FHOD3: variants seen among roughly 807,000 people sequenced by gnomAD.
FHOD3 encodes the protein FH1/FH2 domain-containing protein 3.
FHOD3 carries 90 observed loss-of-function variants against 173.0 expected under a neutral mutation model. The observed-to-expected ratio is 0.52, with a 90% confidence interval of 0.44 to 0.62. The LOEUF (loss-of-function observed/expected upper bound fraction) is 0.62, where lower values mean the gene tolerates loss of function less well. Ranked by LOEUF, FHOD3 falls within the 20% of genes least tolerant of loss-of-function variation. FHOD3 has a pLI of 0.00. For missense variants in FHOD3, 1,945 were observed against 2,034.7 expected, an observed-to-expected ratio of 0.96 and a Z score of 0.85; for synonymous variants, 828 against 823.0, an observed-to-expected ratio of 1.01 and a Z score of -0.10.
intron 3 of FHOD3, among the ~76,000 whole-genome samples, chr18:36,455,602 T>C (rs962395800): frequency 4.7e-4 from 69 of 148,278 alleles, no homozygotes; most frequent in African/African-American, 1.6e-3. Flanking sequence ...TGTCTAGGGA[T>C]CACAGGTAAA....
At chr18:36,375,413 C>T (rs1359977262) in intron 3 of FHOD3, among the ~76,000 whole-genome samples, 3 of 152,198 alleles carry the variant, frequency 2.0e-5, no homozygotes, top group East Asian at 1.9e-4. Context: ...ACGTTCCTTC[C>T]ACCCACGATT....
intron 9 of FHOD3, among the ~76,000 whole-genome samples, chr18:36,613,041 G>A (rs2032851301): frequency 6.6e-6 from 1 of 152,210 alleles, no homozygotes; most frequent in Non-Finnish European, 1.5e-5. Context: ...GAAAGGATAT[G>A]AGAGGCTCCA....
intron 14 of FHOD3, among the ~76,000 whole-genome samples, chr18:36,658,438 A>T (rs2036566639): frequency 6.6e-6 from 1 of 152,190 alleles, no homozygotes; most frequent in Admixed American, 6.5e-5. Flanking sequence ...AAGTATAAAA[A>T]TGTCTTCTAA....
intron 6 of FHOD3, among the ~76,000 whole-genome samples, chr18:36,581,880 G>T (rs1599744323): frequency 6.6e-6 from 1 of 152,278 alleles, no homozygotes; most frequent in East Asian, 1.9e-4. Context: ...AATTGACAGG[G>T]ATGGGAAAGC....
intron 14 of FHOD3, among the ~76,000 whole-genome samples, chr18:36,660,512 A>G (rs2036717786): frequency 1.3e-5 from 2 of 152,206 alleles, no homozygotes; most frequent in South Asian, 4.1e-4. Context: ...CCAACATGGC[A>G]CTGGCTGTGG....
intron 5 of FHOD3, among the ~76,000 whole-genome samples, chr18:36,570,194 G>C (rs1599697619): frequency 6.6e-6 from 1 of 152,058 alleles, no homozygotes; most frequent in East Asian, 1.9e-4. Context: ...CTAACATTAA[G>C]AATGAAAGGG....
intron 5 of FHOD3, among the ~76,000 whole-genome samples, chr18:36,560,214 G>T (rs1453822530): frequency 1.3e-5 from 2 of 152,140 alleles, no homozygotes; most frequent in Non-Finnish European, 2.9e-5. Context: ...TCTGTCTGAG[G>T]GTAGTTAGTC....
intron 17 of FHOD3, among the ~76,000 whole-genome samples, chr18:36,702,161 C>A (rs1310461333): frequency 6.6e-6 from 1 of 152,140 alleles, no homozygotes; most frequent in Non-Finnish European, 1.5e-5. Context: ...TCCTGGGGGA[C>A]ATTTGGCAGT....
At chr18:36,352,799 CAA>C (rs1000545510) in intron 1 of FHOD3, among the ~76,000 whole-genome samples, 1 of 152,190 alleles carries the variant, frequency 6.6e-6, no homozygotes, top group Non-Finnish European at 1.5e-5. Context: ...TAAAAATAGG[CAA>C]AGTGTTGATA....
At chr18:36,315,700 T>A (rs750923671) in intron 1 of FHOD3, among the ~76,000 whole-genome samples, 13 of 152,168 alleles carry the variant, frequency 8.5e-5, no homozygotes, top group Admixed American at 3.3e-4. Context: ...ATGCCCACCA[T>A]GTGAATTCCT....
At chr18:36,666,136 T>A (rs955055999) in intron 14 of FHOD3, among the ~76,000 whole-genome samples, 2 of 152,182 alleles carry the variant, frequency 1.3e-5, no homozygotes, top group Non-Finnish European at 2.9e-5. Context: ...GTGGGACCAG[T>A]CTCCACAGCA....
intron 7 of FHOD3, among the ~76,000 whole-genome samples, chr18:36,599,894 G>A (rs917867289): frequency 1.4e-5 from 2 of 147,854 alleles, no homozygotes; most frequent in Non-Finnish European, 3.0e-5. Flanking sequence ...GCACATATTT[G>A]AGTATCAATT....
chr18:36,767,424 A>T (rs902932749), intron 27 of FHOD3, among the ~76,000 whole-genome samples: 1 of 152,060 alleles, frequency 6.6e-6, no homozygotes, highest in African/African-American at 2.4e-5. Flanking sequence ...GGTTCAAGAG[A>T]TTCTCCTGCC....
At chr18:36,639,791 A>G (rs938834426) in intron 10 of FHOD3, among the ~76,000 whole-genome samples, 1 of 151,250 alleles carries the variant, frequency 6.6e-6, no homozygotes, top group Non-Finnish European at 1.5e-5. Context: ...CCAGCAACGA[A>G]TATCTGTGGC....
rs138484144 is a variant in FHOD3, at chr18:36,747,060, G to A, written c.4157G>A (p.Arg1386Gln). Residue 1386 changes from arginine (R) to glutamine (Q), a missense_variant, in exon 24 of 29, where the codon CGG (arginine) becomes CAG (glutamine). Physicochemically the swap from Arg to Gln is conservative, Grantham distance 43 (BLOSUM62 1). This residue lies in a region of FHOD3 where 354 missense variants were observed against 359.9 expected (regional missense o/e 0.98). Transcript: ENST00000590592. ...GAAATGAAACCAGTTTTAAAACAAC[G>A]GATGTCAGAGTTCCTGAAAGACTGT... ...KHEMKPVLKQ[R>Q]MSEFLKDCAE... 1.7e-5 allele frequency: 27 copies of A among 1,613,924 alleles called. No individual in the cohort carries two copies. Among genetic ancestry groups the A allele is most frequent in the Middle Eastern group, 1.6e-4 (1 of 6,084 alleles).
At chr18:36,443,398 G>A (rs904733426) in intron 3 of FHOD3, among the ~76,000 whole-genome samples, 2 of 152,056 alleles carry the variant, frequency 1.3e-5, no homozygotes, top group African/African-American at 4.8e-5. Flanking sequence ...TTTATTCTAT[G>A]GATTATAACC....
chr18:36,328,404 G>A (rs1415714151), intron 1 of FHOD3, among the ~76,000 whole-genome samples: 1 of 152,126 alleles, frequency 6.6e-6, no homozygotes, highest in African/African-American at 2.4e-5. Context: ...ATGGGAGTGT[G>A]CCTAGCATGT....
At chr18:36,430,176 C>T (rs1011343874) in intron 3 of FHOD3, among the ~76,000 whole-genome samples, 3 of 152,192 alleles carry the variant, frequency 2.0e-5, no homozygotes, top group African/African-American at 7.2e-5. Context: ...TTTCATTGTG[C>T]ATGATCTCCA....
At chr18:36,637,189 AC>A (rs1281480903) in intron 10 of FHOD3, among the ~76,000 whole-genome samples, 3 of 152,176 alleles carry the variant, frequency 2.0e-5, no homozygotes, top group Non-Finnish European at 4.4e-5. Flanking sequence ...ACATCTTATG[AC>A]CTTTGATATT....
Sources: gnomAD v4.1 joint callset for allele counts (sites outside exome capture counted in the v4.1 genomes callset) on GRCh38, gnomAD v4.1.1 for gene constraint, gnomAD v4.1.1 regional missense constraint, MANE v1.5 for transcripts, NCBI Gene and HGNC (gene_info 2026-07-23, HGNC 2026-07-21) for gene names.